PRKCA: variants seen among roughly 807,000 people sequenced by gnomAD.
PRKCA encodes the protein protein kinase C alpha.
PRKCA carries 27 observed loss-of-function variants against 87.0 expected under a neutral mutation model. That is an observed-to-expected ratio of 0.31 (90% confidence interval 0.23 to 0.43). The LOEUF is 0.43. Ranked by LOEUF, PRKCA falls within the 20% of genes least tolerant of loss-of-function variation. PRKCA has a pLI of 1.00. For synonymous variants in PRKCA, 329 were observed against 311.1 expected, an observed-to-expected ratio of 1.06 and a Z score of -0.61; for missense variants, 518 against 852.3, an observed-to-expected ratio of 0.61 and a Z score of 4.88.
intron 5 of PRKCA, among the ~76,000 whole-genome samples, chr17:66,686,010 C>T (rs1046447665): frequency 6.6e-6 from 1 of 152,060 alleles, no homozygotes; most frequent in Non-Finnish European, 1.5e-5. Context: ...GGAGCCTGGT[C>T]CCAGTTATAT....
At chr17:66,569,241 T>A (rs2143376582) in intron 3 of PRKCA, among the ~76,000 whole-genome samples, 1 of 152,294 alleles carries the variant, frequency 6.6e-6, no homozygotes, top group Non-Finnish European at 1.5e-5. Flanking sequence ...AGATATTTGC[T>A]ACACTTATAC....
chr17:66,685,904 AAC>A (rs2144025639), intron 5 of PRKCA, among the ~76,000 whole-genome samples: 1 of 152,294 alleles, frequency 6.6e-6, no homozygotes, highest in Admixed American at 6.5e-5. Flanking sequence ...AGGCTTGGTA[AAC>A]ACAGATCATT....
intron 5 of PRKCA, among the ~76,000 whole-genome samples, chr17:66,652,831 C>T (rs763177735): frequency 2.6e-4 from 40 of 152,224 alleles, no homozygotes; most frequent in Non-Finnish European, 5.0e-4. Flanking sequence ...AGCTTCCCTG[C>T]CTCCACCCTC....
At chr17:66,533,932 G>A (rs1477080348) in intron 3 of PRKCA, among the ~76,000 whole-genome samples, 3 of 152,132 alleles carry the variant, frequency 2.0e-5, no homozygotes, top group African/African-American at 4.8e-5. Flanking sequence ...CCTTTTGTTC[G>A]TTCGTAATGC....
At chr17:66,608,273 G>A (rs1248812031) in intron 3 of PRKCA, among the ~76,000 whole-genome samples, 1 of 151,976 alleles carries the variant, frequency 6.6e-6, no homozygotes, top group East Asian at 1.9e-4. Context: ...TGTTGGTGGT[G>A]GAGTGGAGGG....
At chr17:66,760,015 A>G (rs1264955579) in intron 13 of PRKCA, among the ~76,000 whole-genome samples, 2 of 152,260 alleles carry the variant, frequency 1.3e-5, no homozygotes, top group Non-Finnish European at 2.9e-5. Context: ...AAATAGACAT[A>G]TCCCGCAAGG....
chr17:66,627,877 A>G (rs913955838), intron 3 of PRKCA, among the ~76,000 whole-genome samples: 1 of 152,230 alleles, frequency 6.6e-6, no homozygotes, highest in African/African-American at 2.4e-5. Context: ...AGGGGTATCA[A>G]TTAGAGATCA....
chr17:66,784,756 G>GCCTGCCTGC (rs1478769234), intron 14 of PRKCA, among the ~76,000 whole-genome samples: 2 of 152,196 alleles, frequency 1.3e-5, no homozygotes, highest in African/African-American at 4.8e-5. Flanking sequence ...CCCCACCACT[G>GCCTGCCTGC]CCTGCCTGCC....
intron 13 of PRKCA, among the ~76,000 whole-genome samples, chr17:66,771,528 G>T (rs780246721): frequency 1.3e-5 from 2 of 152,122 alleles, no homozygotes; most frequent in Non-Finnish European, 2.9e-5. Flanking sequence ...ATATGGAAAG[G>T]TTTTATATGG....
At chr17:66,551,281 A>G (rs1275662275) in intron 3 of PRKCA, among the ~76,000 whole-genome samples, 1 of 152,158 alleles carries the variant, frequency 6.6e-6, no homozygotes, top group Non-Finnish European at 1.5e-5. Context: ...CCTTGGCTTC[A>G]TAGCATCTTT....
At chr17:66,768,093 G>A (rs1598929291) in intron 13 of PRKCA, among the ~76,000 whole-genome samples, 1 of 152,072 alleles carries the variant, frequency 6.6e-6, no homozygotes, top group African/African-American at 2.4e-5. Flanking sequence ...ACAGGTGTGT[G>A]CCACCGGACC....
chr17:66,613,568 T>C (rs1012351400), intron 3 of PRKCA, among the ~76,000 whole-genome samples: 2 of 152,096 alleles, frequency 1.3e-5, no homozygotes, highest in Non-Finnish European at 2.9e-5. Context: ...TGCGAGGCTC[T>C]AGGGAAGAAT....
intron 13 of PRKCA, among the ~76,000 whole-genome samples, chr17:66,745,196 A>C (rs1239711735): frequency 2.0e-5 from 3 of 152,232 alleles, no homozygotes; most frequent in Non-Finnish European, 4.4e-5. Context: ...CACTGTCCTC[A>C]ACAGGGACAC....
At chr17:66,404,742 CTTTTTTTTTT>C (rs773919783) in intron 2 of PRKCA, among the ~76,000 whole-genome samples, 1 of 54,232 alleles carries the variant, frequency 1.8e-5, no homozygotes, top group Non-Finnish European at 3.2e-5. Flanking sequence ...GATGGTAGGC[CTTTTTTTTTT>C]TTTTTTTTTT....
chr17:66,321,242 G>A (rs1389585969), intron 2 of PRKCA, among the ~76,000 whole-genome samples: 1 of 152,088 alleles, frequency 6.6e-6, no homozygotes, highest in African/African-American at 2.4e-5. Context: ...CTGAAACAAT[G>A]GTTACTTTTT....
intron 2 of PRKCA, among the ~76,000 whole-genome samples, chr17:66,310,974 C>T (rs1033662834): frequency 1.3e-5 from 2 of 152,136 alleles, no homozygotes; most frequent in Non-Finnish European, 2.9e-5. Context: ...AGGATCTGTC[C>T]TCCCTATGTA....
intron 3 of PRKCA, among the ~76,000 whole-genome samples, chr17:66,501,488 A>G (rs1177880249): frequency 6.6e-6 from 1 of 152,220 alleles, no homozygotes; most frequent in African/African-American, 2.4e-5. Context: ...AAGAGAACCA[A>G]CGTTAGCGGT....
intron 5 of PRKCA, among the ~76,000 whole-genome samples, chr17:66,656,155 T>A (rs1464430035): frequency 6.6e-6 from 1 of 152,190 alleles, no homozygotes; most frequent in East Asian, 1.9e-4. Flanking sequence ...CCAGTGTCAT[T>A]TCCTTCATGC....
At chr17:66,664,659 T>G (rs1003475911) in intron 5 of PRKCA, among the ~76,000 whole-genome samples, 1 of 142,054 alleles carries the variant, frequency 7.0e-6, no homozygotes, top group African/African-American at 2.6e-5. Context: ...TTTTTTTTTT[T>G]TTTTTTTTTT....
Sources: gnomAD v4.1 joint callset for allele counts (sites outside exome capture counted in the v4.1 genomes callset) on GRCh38, gnomAD v4.1.1 for gene constraint, MANE v1.5 for transcripts, NCBI Gene and HGNC (gene_info 2026-07-23, HGNC 2026-07-21) for gene names.